RAPGEF4: variants seen among roughly 807,000 people sequenced by gnomAD.
RAPGEF4 encodes the protein RAP guanine-nucleotide-exchange factor (GEF) 4.
Under a neutral mutation model 147.9 loss-of-function variants are expected in RAPGEF4, and 66 were observed. The observed-to-expected ratio is 0.45, with a 90% CI of 0.37 to 0.55. The LOEUF (loss-of-function observed/expected upper bound fraction) is 0.55, where lower values mean the gene tolerates loss of function less well. Ranked by LOEUF, RAPGEF4 falls within the 20% of genes least tolerant of loss-of-function variation. The pLI is 0.00. For synonymous variants in RAPGEF4, 419 were observed against 442.7 expected (o/e 0.95, Z 0.67); for missense variants, 1,071 against 1,257.3 (o/e 0.85, Z 2.24).
chr2:173,031,438 C>T (rs1451302093), intron 26 of RAPGEF4, among the ~76,000 whole-genome samples: 1 of 152,250 alleles, frequency 6.6e-6, no homozygotes, highest in East Asian at 1.9e-4. Flanking sequence ...TTGCTGGAGA[C>T]CTAGGGTCCT....
chr2:172,948,600 T>C (rs1559139349), intron 6 of RAPGEF4, among the ~76,000 whole-genome samples: 1 of 152,284 alleles, frequency 6.6e-6, no homozygotes, highest in Admixed American at 6.5e-5. Context: ...TTAATGTGTT[T>C]TCCCATGGAA....
intron 1 of RAPGEF4, among the ~76,000 whole-genome samples, chr2:172,790,149 A>G (rs962898785): frequency 1.3e-5 from 2 of 152,060 alleles, no homozygotes; most frequent in Non-Finnish European, 2.9e-5. Flanking sequence ...CCATCTTGAT[A>G]GATGTAAGGT....
chr2:172,865,898 T>G (rs925412941), intron 4 of RAPGEF4, among the ~76,000 whole-genome samples: 1 of 152,154 alleles, frequency 6.6e-6, no homozygotes, highest in Non-Finnish European at 1.5e-5. Context: ...ATATATATAG[T>G]CCATTTGTAC....
At chr2:172,738,616 AG>A (rs144091549) in intron 1 of RAPGEF4, among the ~76,000 whole-genome samples, 14,006 of 152,198 alleles carry the variant, frequency 0.092, 692 homozygotes, top group South Asian at 0.15. Context: ...CCAAATCTAG[AG>A]TATAGGAATG....
At chr2:172,833,257 T>TG (rs1201988311) in intron 4 of RAPGEF4, among the ~76,000 whole-genome samples, 1,701 of 101,946 alleles carry the variant, frequency 0.017, 10 homozygotes, top group South Asian at 0.057. Flanking sequence ...TACAGAGGTT[T>TG]GGGTTTTTTT....
At chr2:172,850,783 C>T (rs996904716) in intron 4 of RAPGEF4, among the ~76,000 whole-genome samples, 4 of 152,124 alleles carry the variant, frequency 2.6e-5, no homozygotes, top group South Asian at 2.1e-4. Flanking sequence ...TTATTATGTA[C>T]GTACCTCTTT....
intron 4 of RAPGEF4, among the ~76,000 whole-genome samples, chr2:172,893,329 C>T (rs962200332): frequency 5.9e-5 from 9 of 152,182 alleles, no homozygotes; most frequent in African/African-American, 2.2e-4. Flanking sequence ...GCAGCTGGGG[C>T]CCAGTTGGAG....
chr2:172,801,739 G>C (rs1410810627), intron 3 of RAPGEF4, among the ~76,000 whole-genome samples: 1 of 152,172 alleles, frequency 6.6e-6, no homozygotes, highest in African/African-American at 2.4e-5. Flanking sequence ...CCAACCAGAA[G>C]GACCGGAAGG....
rs963878267 is a variant in RAPGEF4, at chr2:172,736,053, C to CT, written c.65+6dup. On this transcript the variant is annotated splice_donor_region_variant and intron_variant, in intron 1 of 30. Coordinates refer to ENST00000397081, the MANE Select transcript of RAPGEF4 (RefSeq NM_007023.4). ...GATCGCCTGCCTGGATAAAAGGTAG[C>CT]TCGCCGGGGGCCGCAGCCGGGGGCC... is the stretch of plus-strand genomic sequence containing the variant. 7 of 1,322,084 alleles carry CT rather than the reference C, an allele frequency of 5.3e-6. No homozygotes were observed. The African/African-American group carries it at 1.1e-4, about 21-fold the overall frequency. 81.9% of individuals were successfully genotyped at this position (1,322,084 alleles called of 1,614,324 possible). A position where few individuals can be genotyped will look rare whatever the true frequency, so the allele number is the denominator to read the frequency against.
intron 30 of RAPGEF4, among the ~76,000 whole-genome samples, chr2:173,051,401 C>T (rs574557771): frequency 1.4e-3 from 216 of 151,280 alleles, no homozygotes; most frequent in African/African-American, 5.1e-3. Context: ...TTTTTTACAA[C>T]GTGCAATTCA....
rs114425782 is a variant in RAPGEF4 at position 172,902,572 on chromosome 2, G to A, written c.445-15230G>A. Among the ~76,000 whole-genome samples, 489 of 152,174 alleles carry A rather than the reference G, an allele frequency of 3.2e-3. 1 individual carries two copies. The highest frequency in any genetic ancestry group is 0.011 in the African/African-American group (463 of 41,504). Reference sequence around the variant, plus strand: ...TCTTCCCAACTCTCTCAGCACTGCCGTCTCTCATGCCCCACCCCTTCAAAC... The same window carrying A: ...TCTTCCCAACTCTCTCAGCACTGCCATCTCTCATGCCCCACCCCTTCAAAC... On this transcript the variant is annotated intron_variant, in intron 4 of 30. Coordinates refer to ENST00000397081, the MANE Select transcript of RAPGEF4 (RefSeq NM_007023.4).
intron 6 of RAPGEF4, among the ~76,000 whole-genome samples, chr2:172,946,189 G>A (rs978355587): frequency 6.6e-6 from 1 of 152,066 alleles, no homozygotes; most frequent in East Asian, 1.9e-4. Flanking sequence ...TATGTAAAAA[G>A]GAAAGATACA....
At chr2:172,986,870 TG>T (rs1692315497) in intron 12 of RAPGEF4, among the ~76,000 whole-genome samples, 1 of 152,082 alleles carries the variant, frequency 6.6e-6, no homozygotes, top group African/African-American at 2.4e-5. Flanking sequence ...ATTTTTTTTT[TG>T]TATTTTTAGT....
intron 3 of RAPGEF4, among the ~76,000 whole-genome samples, chr2:172,811,982 T>C (rs1416073726): frequency 6.6e-6 from 1 of 152,180 alleles, no homozygotes; most frequent in Non-Finnish European, 1.5e-5. Context: ...CTTGGCACCT[T>C]CTATTTCTCT....
intron 4 of RAPGEF4, among the ~76,000 whole-genome samples, chr2:172,846,764 A>G (rs1325665404): frequency 2.0e-5 from 3 of 152,174 alleles, no homozygotes; most frequent in African/African-American, 4.8e-5. Flanking sequence ...CCCAGCCCCT[A>G]TGCTGGTGGG....
At chr2:173,033,285 C>A (rs1254572019) in intron 26 of RAPGEF4, among the ~76,000 whole-genome samples, 1 of 152,102 alleles carries the variant, frequency 6.6e-6, no homozygotes, top group Non-Finnish European at 1.5e-5. Flanking sequence ...ATTACAGGCT[C>A]TAATGAGAAG....
intron 28 of RAPGEF4, 36 bp from the exon 29 acceptor site, chr2:173,036,592 A>T (rs1400836782): frequency 2.7e-6 from 4 of 1,487,194 alleles, no homozygotes; most frequent in Non-Finnish European, 3.7e-6. Context: ...ACATATTTCC[A>T]TTAGTGATTA....
At chr2:172,855,706 T>C (rs775654824) in intron 4 of RAPGEF4, among the ~76,000 whole-genome samples, 2 of 152,120 alleles carry the variant, frequency 1.3e-5, no homozygotes, top group Non-Finnish European at 2.9e-5. Context: ...GGATATAGAA[T>C]TCTAGCTTGA....
At chr2:173,027,319 T>C (rs1696760685) in intron 25 of RAPGEF4, 60 bp downstream of exon 25, 1 of 1,384,854 alleles carries the variant, frequency 7.2e-7, no homozygotes, top group Non-Finnish European at 9.7e-7. Context: ...TCATTTTGTT[T>C]TCTTAGACTA....
Sources: gnomAD v4.1 joint callset for allele counts (sites outside exome capture counted in the v4.1 genomes callset) on GRCh38, gnomAD v4.1.1 for gene constraint, MANE v1.5 for transcripts, NCBI Gene and HGNC (gene_info 2026-07-23, HGNC 2026-07-21) for gene names.